PXK: variants seen among roughly 807,000 people sequenced by gnomAD.
PXK encodes PX domain-containing protein kinase-like protein.
In PXK, 35 loss-of-function variants were observed where a neutral mutation model predicts 84.7. That is an observed-to-expected ratio of 0.41 (90% CI 0.32 to 0.55). PXK has a LOEUF of 0.55. PXK is among the 20% of genes least tolerant of loss of function. The probability of loss-of-function intolerance (pLI) is 0.21; values close to 1 mark genes in which losing one functional copy is unlikely to be tolerated. For synonymous variants in PXK, 253 were observed against 260.8 expected (o/e 0.97, Z 0.29); for missense variants, 634 against 699.7 (o/e 0.91, Z 1.06).
intron 17 of PXK, chr3:58,420,578 A>G (rs1576866539): frequency 6.5e-7 from 1 of 1,535,926 alleles, no homozygotes; most frequent in African/African-American, 1.4e-5. Context: ...GGTAAAGTAA[A>G]CTATGCTGAT....
chr3:58,336,085 T>A (rs1283204374), intron 1 of PXK, among the ~76,000 whole-genome samples: 5 of 115,040 alleles, frequency 4.3e-5, no homozygotes, highest in African/African-American at 1.8e-4. Flanking sequence ...TTTTTTTTTT[T>A]TTTTAATACC....
In PXK at chr3:58,385,168, G is replaced by A. The variant is rs2098540966; in HGVS notation, c.388+2468G>A. On this transcript the variant is annotated intron_variant, in intron 4 of 17. Coordinates refer to ENST00000356151, the MANE Select transcript of PXK (RefSeq NM_017771.5). This position sits in a 1 kb window ranked among gnomAD's most constrained non-coding sequence, Gnocchi z 5.1. ...CCTCCAGCATGGTAGAGAGTCAGGA[G>A]TCCAAAGCAGATGTGGGCAGGGGTA... Among the ~76,000 whole-genome samples the A allele has an allele frequency of 6.6e-6, 1 of 152,164 alleles. No homozygotes were observed. The highest frequency in any genetic ancestry group is 2.4e-5 in the African/African-American group (1 of 41,452).
chr3:58,335,548 T>A (rs143864394), intron 1 of PXK, among the ~76,000 whole-genome samples: 1 of 144,520 alleles, frequency 6.9e-6, no homozygotes, highest in East Asian at 1.9e-4. Context: ...TGTTTTTTCT[T>A]GGGGAGATTG....
rs149425784 is a variant in PXK at position 58,376,408 on chromosome 3, T to C, written c.202-6106T>C. On this transcript the variant is annotated intron_variant, in intron 3 of 17. Transcript: ENST00000356151. ...CCAGCCTGGGTGACAAGAGCGAAAC[T>C]CTGTCTAAAAATAAATAAATAAATA... Among the ~76,000 whole-genome samples the C allele has an allele frequency of 6.6e-5, 10 of 152,158 alleles. No homozygotes were observed. In the East Asian group the frequency reaches 1.9e-3, roughly 29 times the overall value.
chr3:58,386,829 G>A (rs1002311912), intron 4 of PXK, among the ~76,000 whole-genome samples: 6 of 152,202 alleles, frequency 3.9e-5, no homozygotes, highest in Non-Finnish European at 2.9e-5. Context: ...GGCTGGGGAG[G>A]GGGAATAGAG....
chr3:58,376,676 A>G (rs1270362859), intron 3 of PXK, among the ~76,000 whole-genome samples: 2 of 152,112 alleles, frequency 1.3e-5, no homozygotes, highest in East Asian at 3.9e-4. Context: ...GTCTCACTCC[A>G]TTACCCAGGC....
At chr3:58,405,401 G>A (rs62258120) in intron 13 of PXK, among the ~76,000 whole-genome samples, 45,045 of 151,960 alleles carry the variant, frequency 0.3, 7,434 homozygotes, top group Middle Eastern at 0.39. Context: ...GAAATGGCCC[G>A]GGCGTGGTGG....
intron 17 of PXK, chr3:58,413,484 T>C (rs901655076): frequency 6.5e-6 from 1 of 152,864 alleles, no homozygotes; most frequent in Non-Finnish European, 1.5e-5. Context: ...AATATTTTTC[T>C]GTTATTAGCC....
intron 1 of PXK, among the ~76,000 whole-genome samples, chr3:58,361,433 A>G (rs78726682): frequency 0.1 from 15,202 of 152,148 alleles, 991 homozygotes; most frequent in African/African-American, 0.17. Context: ...ACGATAGAGA[A>G]CACTTCCATT....
chr3:58,361,177 TCCC>T (rs1306827749), intron 1 of PXK, among the ~76,000 whole-genome samples: 1 of 150,302 alleles, frequency 6.7e-6, no homozygotes. Flanking sequence ...GCACCTGTAA[TCCC>T]AGCTACTCGA....
rs774417907 is a variant in PXK, at chr3:58,424,989, GTTC to G, written c.*32_*34del. 1.2e-6 allele frequency: 2 copies of G among 1,612,044 alleles called. No homozygotes were observed. The highest frequency in any genetic ancestry group is 1.7e-6 in the Non-Finnish European group (2 of 1,179,114). ...TTCCTGTTTACACTTGGAGGGAAAAGTTCTTTTTTATTCCTACTCACCCCTACC... is the reference window on the plus strand; with the variant it reads ...TTCCTGTTTACACTTGGAGGGAAAAGTTTTTTATTCCTACTCACCCCTACC... On this transcript the variant is annotated 3_prime_UTR_variant, in exon 18 of 18. Transcript: ENST00000356151.
At position 58,399,409 on chromosome 3, in the gene PXK, T is replaced by A. The variant is rs777024743; in HGVS notation, c.1181+32T>A. The A allele has an allele frequency of 6.3e-7, 1 of 1,581,138 alleles. No homozygotes were observed. Among genetic ancestry groups the A allele is most frequent in the Admixed American group, 1.7e-5 (1 of 59,756 alleles). On this transcript the variant is annotated intron_variant, in intron 12 of 17. Transcript: ENST00000356151. This position sits in a 1 kb window ranked among gnomAD's most constrained non-coding sequence, Gnocchi z 4.3. ...CAATCATATGCGTTGGTTGTAATCT[T>A]GATAACTATGTTGAACACCAGACCA...
Position 58,397,818 on chromosome 3 carries a change from C to T in PXK, c.1102+96C>T. 1.1e-6 allele frequency: 1 copy of T among 915,510 alleles called. No individual in the cohort carries two copies. Among genetic ancestry groups the T allele is most frequent in the Admixed American group, 2.2e-5 (1 of 45,290 alleles). 56.7% of individuals were successfully genotyped at this position (915,510 alleles called of 1,614,324 possible). ...TCCAGGAAAGACCCAGAGGAAGTTG[C>T]TGTCCTCCACAGCCAGAAATTCTTA... is the stretch of plus-strand genomic sequence containing the variant. On this transcript the variant is annotated intron_variant, in intron 11 of 17. Coordinates refer to ENST00000356151, the MANE Select transcript of PXK (RefSeq NM_017771.5). This position sits in a 1 kb window ranked among gnomAD's most constrained non-coding sequence, Gnocchi z 4.7.
intron 3 of PXK, among the ~76,000 whole-genome samples, chr3:58,380,914 T>C (rs2098492935): frequency 1.3e-5 from 2 of 152,094 alleles, no homozygotes; most frequent in African/African-American, 2.4e-5. Context: ...TCCTTATATA[T>C]GCAAGGTTTC....
intron 1 of PXK, among the ~76,000 whole-genome samples, chr3:58,361,295 CAA>C (rs149879171): frequency 0.28 from 17,535 of 63,434 alleles, 1,218 homozygotes; most frequent in East Asian, 0.64. Context: ...GACTCTGTCT[CAA>C]AAAAAAAAAA....
rs1021136435 is a variant in PXK, at chr3:58,400,586, G to A, written c.1181+1209G>A. On this transcript the variant is annotated intron_variant, in intron 12 of 17. Coordinates refer to ENST00000356151, the MANE Select transcript of PXK (RefSeq NM_017771.5). This position sits in a 1 kb window ranked among gnomAD's most constrained non-coding sequence, Gnocchi z 4.0. ...TCTACTGTTCCACAGACACTGAAGC[G>A]TCTGTCGCCAAACCAGCAACCATTA... Among the ~76,000 whole-genome samples the A allele has an allele frequency of 3.3e-5, 5 of 152,160 alleles. No individual in the cohort carries two copies. The highest frequency in any genetic ancestry group is 5.9e-5 in the Non-Finnish European group (4 of 68,034).
intron 3 of PXK, among the ~76,000 whole-genome samples, chr3:58,373,841 C>G (rs1021698870): frequency 1.3e-5 from 2 of 151,772 alleles, no homozygotes; most frequent in Non-Finnish European, 2.9e-5. Flanking sequence ...GTCAGGAGAT[C>G]GAGACCATCC....
intron 1 of PXK, among the ~76,000 whole-genome samples, chr3:58,335,403 G>A (rs930602708): frequency 2.0e-5 from 3 of 152,172 alleles, no homozygotes; most frequent in African/African-American, 7.2e-5. Context: ...GAAGTTTATT[G>A]AGAAAATCTT....
chr3:58,370,629 G>T lies in PXK; in HGVS notation c.201+1151G>T, dbSNP rs573539637. On this transcript the variant is annotated intron_variant, in intron 3 of 17. Transcript: ENST00000356151. The surrounding 1 kb of genome is among the most constrained non-coding windows in gnomAD (Gnocchi z 4.2). ...CTCTGATCTTGCCCATAAAGGTCAG[G>T]AGGACTGTGCACTAGGAGGAAGCGT... Among the ~76,000 whole-genome samples the T allele has an allele frequency of 6.6e-6, 1 of 152,286 alleles. No individual in the cohort carries two copies. The highest frequency in any genetic ancestry group is 6.5e-5 in the Admixed American group (1 of 15,296).
Sources: allele counts gnomAD v4.1 joint callset (sites outside exome capture counted in the v4.1 genomes callset), GRCh38; gene constraint gnomAD v4.1.1; non-coding constraint Gnocchi (gnomAD v3.1); transcripts MANE v1.5; gene names NCBI Gene and HGNC (gene_info 2026-07-23, HGNC 2026-07-21).